Variants in ADRA1B observed in about 807,000 individuals in gnomAD.
ADRA1B encodes alpha-1B adrenergic receptor.
In ADRA1B, 17 loss-of-function variants were observed where a neutral mutation model predicts 17.9. That is an observed-to-expected ratio of 0.95 (90% CI 0.65 to 1.42). The LOEUF is 1.42. Among genes scored for constraint, ADRA1B ranks in the 40% most tolerant of loss-of-function variants. ADRA1B has a pLI of 0.00. For missense variants in ADRA1B, 681 were observed against 722.1 expected (o/e 0.94, Z 0.65); for synonymous variants, 366 against 327.6 (o/e 1.12, Z -1.27).
chr5:159,916,808 G>A lies in ADRA1B; in HGVS notation c.-98G>A. 3 of 1,272,602 alleles carry A rather than the reference G, an allele frequency of 2.4e-6. No homozygotes were observed. Among genetic ancestry groups the A allele is most frequent in the Non-Finnish European group, 3.2e-6 (3 of 926,794 alleles). The allele number at this position is 1,272,602 out of a possible 1,614,324, so 78.8% of individuals were successfully genotyped here. On this transcript the variant is annotated 5_prime_UTR_variant, in exon 1 of 2. Coordinates refer to ENST00000306675, the MANE Select transcript of ADRA1B (RefSeq NM_000679.4). ...GCCAGGAGGGCGCCTCTGGGAAGAA[G>A]ACCACGGGGGAAGCAAAGTTTCAGG...
chr5:159,927,965 T>C (rs1754707395), intron 1 of ADRA1B, among the ~76,000 whole-genome samples: 1 of 152,240 alleles, frequency 6.6e-6, no homozygotes, highest in South Asian at 2.1e-4. Context: ...CTTGAAATTT[T>C]TAAATAAAGT....
intron 1 of ADRA1B, among the ~76,000 whole-genome samples, chr5:159,962,046 A>G (rs34623162): frequency 0.23 from 35,610 of 152,102 alleles, 4,784 homozygotes; most frequent in Middle Eastern, 0.39. Context: ...AAAAAATACA[A>G]AAATTAGCCA....
intron 1 of ADRA1B, among the ~76,000 whole-genome samples, chr5:159,936,941 G>A (rs532639059): frequency 3.5e-4 from 54 of 152,184 alleles, no homozygotes; most frequent in African/African-American, 1.3e-3. Flanking sequence ...CTTATCCAGC[G>A]GGTCTTCAAG....
intron 1 of ADRA1B, among the ~76,000 whole-genome samples, chr5:159,873,951 A>T (rs1272328262): frequency 6.6e-6 from 1 of 151,998 alleles, no homozygotes; most frequent in Non-Finnish European, 1.5e-5. Flanking sequence ...CAGCTTTTTA[A>T]CCCCACCTCT....
At chr5:159,947,786 C>G in intron 1 of ADRA1B, 1 of 985,450 alleles carries the variant, frequency 1.0e-6, no homozygotes, top group Non-Finnish European at 1.2e-6. Flanking sequence ...AGCCTAGAGT[C>G]TGGCCACGTG....
chr5:159,924,777 C>T (rs770878691), intron 1 of ADRA1B, among the ~76,000 whole-genome samples: 1 of 152,166 alleles, frequency 6.6e-6, no homozygotes, highest in South Asian at 2.1e-4. Context: ...GTAAAAATAA[C>T]TGATGTCTGC....
chr5:159,932,213 G>A (rs756819093), intron 1 of ADRA1B, among the ~76,000 whole-genome samples: 4 of 152,082 alleles, frequency 2.6e-5, no homozygotes, highest in Admixed American at 6.5e-5. Flanking sequence ...GAGTGCAGTG[G>A]CACAATCATA....
downstream of ADRA1B, among the ~76,000 whole-genome samples, chr5:159,973,152 C>A (rs1220406107): frequency 6.6e-6 from 1 of 152,228 alleles, no homozygotes; most frequent in Non-Finnish European, 1.5e-5. Context: ...CCCAGAAGAG[C>A]CGCTCTCACC....
downstream of ADRA1B, among the ~76,000 whole-genome samples, chr5:159,974,342 A>G (rs986944465): frequency 6.6e-6 from 1 of 152,218 alleles, no homozygotes; most frequent in Non-Finnish European, 1.5e-5. Context: ...AATGAAAAAG[A>G]AAAAGAAAAC....
the ADRA1B span, among the ~76,000 whole-genome samples, chr5:159,986,963 A>T: frequency 1.3e-5 from 2 of 152,176 alleles, no homozygotes; most frequent in African/African-American, 4.8e-5. Context: ...TGCTGCTTCC[A>T]GGTGTAACTT....
At chr5:159,966,846 T>C (rs1433298903) in intron 1 of ADRA1B, among the ~76,000 whole-genome samples, 1 of 152,204 alleles carries the variant, frequency 6.6e-6, no homozygotes, top group Non-Finnish European at 1.5e-5. Flanking sequence ...CAGTCCGTAA[T>C]AGCCAAAAAT....
chr5:159,925,239 G>A (rs1183278096), intron 1 of ADRA1B, among the ~76,000 whole-genome samples: 3 of 152,200 alleles, frequency 2.0e-5, no homozygotes, highest in East Asian at 3.8e-4. Context: ...GTGGCTGCCC[G>A]TCATTCAGCA....
Position 159,972,042 on chromosome 5 carries a change from C to CCGCCGCCCA in ADRA1B, c.1120_1121insCACGCCGCC (p.Arg373_Arg374insProArgArg). The CCGCCGCCCA allele has an allele frequency of 7.2e-7, 1 of 1,383,176 alleles. No homozygotes were observed. The highest frequency in any genetic ancestry group is 9.4e-7 in the Non-Finnish European group (1 of 1,067,888). The allele number at this position is 1,383,176 out of a possible 1,614,324, so 85.7% of individuals were successfully genotyped here. On this transcript the variant is annotated inframe_insertion, in exon 2 of 2. Transcript: ENST00000306675. ...TCGGGTGCCAGTGCCGCGGCCGCGG[C>CCGCCGCCCA]CGCCGCCGACGCCGCCGCCGCCGTC...
intron 1 of ADRA1B, among the ~76,000 whole-genome samples, chr5:159,898,733 A>G (rs1024035758): frequency 2.0e-5 from 3 of 152,232 alleles, no homozygotes; most frequent in African/African-American, 4.8e-5. Context: ...GTTGATATCA[A>G]TGAATAGAAG....
At chr5:159,875,927 G>T (rs1388417200) in intron 1 of ADRA1B, among the ~76,000 whole-genome samples, 2 of 152,168 alleles carry the variant, frequency 1.3e-5, no homozygotes, top group African/African-American at 4.8e-5. Context: ...GGTGGCTCAC[G>T]CCCGTAATCC....
intron 1 of ADRA1B, among the ~76,000 whole-genome samples, chr5:159,944,148 CAG>C (rs1376807824): frequency 1.3e-5 from 2 of 152,150 alleles, no homozygotes; most frequent in Non-Finnish European, 2.9e-5. Flanking sequence ...ACCTTTCATG[CAG>C]AGTTTTTTTT....
chr5:159,932,844 T>A (rs569970950), intron 1 of ADRA1B, among the ~76,000 whole-genome samples: 1 of 152,338 alleles, frequency 6.6e-6, no homozygotes, highest in South Asian at 2.1e-4. Context: ...ATAGAGTAGC[T>A]TCATTCTTAG....
intron 1 of ADRA1B, among the ~76,000 whole-genome samples, chr5:159,938,156 G>T (rs974967977): frequency 6.6e-6 from 1 of 152,152 alleles, no homozygotes; most frequent in Non-Finnish European, 1.5e-5. Context: ...CAGCAGAAAC[G>T]AATTAACTCT....
intron 1 of ADRA1B, among the ~76,000 whole-genome samples, chr5:159,920,170 G>C (rs1317641044): frequency 6.6e-6 from 1 of 152,168 alleles, no homozygotes; most frequent in Non-Finnish European, 1.5e-5. Context: ...TGAAGAGGTA[G>C]TCCACAGACC....
Sources: gnomAD v4.1 joint callset for allele counts (sites outside exome capture counted in the v4.1 genomes callset) on GRCh38, gnomAD v4.1.1 for gene constraint, MANE v1.5 for transcripts, NCBI Gene and HGNC (gene_info 2026-07-23, HGNC 2026-07-21) for gene names.